The following MYOT variants were observed in gnomAD, a reference collection of about 807,000 sequenced individuals.
The protein encoded by MYOT is 57 kDa cytoskeletal protein.
MYOT carries 36 observed loss-of-function variants against 58.0 expected under a neutral mutation model. That is an observed-to-expected ratio of 0.62 (90% confidence interval 0.48 to 0.82). The LOEUF (loss-of-function observed/expected upper bound fraction) is 0.82, where lower values mean the gene tolerates loss of function less well. MYOT is among the 40% of genes least tolerant of loss of function. The probability of loss-of-function intolerance (pLI) is 0.00; values close to 1 mark genes in which losing one functional copy is unlikely to be tolerated. For synonymous variants in MYOT, 218 were observed against 204.6 expected, an observed-to-expected ratio of 1.07 and a Z score of -0.56; for missense variants, 505 against 592.1, an observed-to-expected ratio of 0.85 and a Z score of 1.53.
chr5:137,868,171 A>G (rs574091317), intron 1 of MYOT, among the ~76,000 whole-genome samples: 1 of 152,344 alleles, frequency 6.6e-6, no homozygotes, highest in Admixed American at 6.5e-5. Context: ...GCTGTGTGTC[A>G]TTATTTTTAA....
Position 137,886,943 on chromosome 5 carries a change from T to C in MYOT, c.1270T>C (p.Ser424Pro). The C allele has an allele frequency of 1.2e-6, 2 of 1,612,088 alleles. No homozygotes were observed. Among genetic ancestry groups the C allele is most frequent in the Non-Finnish European group, 1.7e-6 (2 of 1,178,130 alleles). Reference sequence around the variant, plus strand: ...GAAAGATGCTGGGTGGTATACTGTGTCAGCAGTTAATGAAGCTGGAGTGAC... The same window carrying C: ...GAAAGATGCTGGGTGGTATACTGTGCCAGCAGTTAATGAAGCTGGAGTGAC... ...NKKDAGWYTV[S>P]AVNEAGVTTC... Residue 424 changes from serine (S) to proline (P), a missense_variant, in exon 9 of 10, where the codon TCA becomes CCA. By Grantham distance (74) the Ser-to-Pro change is moderately conservative. Transcript: ENST00000239926.
chr5:137,881,950 T>C, intron 5 of MYOT, 23 bp from the exon 6 acceptor site: 2 of 1,611,722 alleles, frequency 1.2e-6, no homozygotes, highest in South Asian at 1.1e-5. Context: ...TTACGCATAG[T>C]TGTTACCAAA....
rs1216935569 is a variant in MYOT at position 137,887,781 on chromosome 5, A to C, written c.*396A>C. On this transcript the variant is annotated 3_prime_UTR_variant, in exon 10 of 10. Transcript: ENST00000239926. The stretch of plus-strand genomic sequence containing the variant: ...CGTTTTCTCTTGTAGGAATACTAAC[A>C]TGGTATAGATTATCTGAGTGTTCCA... The C allele has an allele frequency of 6.3e-6, 1 of 158,688 alleles. No individual in the cohort carries two copies. Among genetic ancestry groups the C allele is most frequent in the Non-Finnish European group, 1.4e-5 (1 of 73,242 alleles). 9.8% of individuals were successfully genotyped at this position (158,688 alleles called of 1,614,324 possible). A position where few individuals can be genotyped will look rare whatever the true frequency, so the allele number is the denominator to read the frequency against.
At position 137,887,233 on chromosome 5, in the gene MYOT, C is replaced by G. The variant is rs766650528; in HGVS notation, c.1345C>G (p.Pro449Ala). ...TTCAGCACGTCCAAACCAAACTCTT[C>G]CAGCTCCTAAGCAGTTACGGGTTCG... Reference protein sequence around the residue: ...DVTARPNQTLPAPKQLRVRPT... With the variant: ...DVTARPNQTLAAPKQLRVRPT... The change falls in exon 10 of 10, where the codon CCA (proline) becomes GCA (alanine). Residue 449 changes from proline (P) to alanine (A), a missense_variant. Transcript: ENST00000239926. 160 of 1,613,884 alleles carry G rather than the reference C, an allele frequency of 9.9e-5. No individual in the cohort carries two copies. Among genetic ancestry groups the G allele is most frequent in the Admixed American group, 2.3e-4 (14 of 60,002 alleles).
chr5:137,870,457 G>A lies in MYOT; in HGVS notation c.-195G>A. On this transcript the variant is annotated 5_prime_UTR_variant, in exon 2 of 10. Coordinates refer to ENST00000239926, the MANE Select transcript of MYOT (RefSeq NM_006790.3). ...CTTTTGAAGGAACAATATTCTTCAAGAGAAGGTCACTCTACCAAAGCCAGG... is the reference window on the plus strand; with the variant it reads ...CTTTTGAAGGAACAATATTCTTCAAAAGAAGGTCACTCTACCAAAGCCAGG... 2 of 630,150 alleles carry A rather than the reference G, an allele frequency of 3.2e-6. No homozygotes were observed. Among genetic ancestry groups the A allele is most frequent in the Non-Finnish European group, 5.6e-6 (2 of 354,364 alleles). 39.0% of individuals were successfully genotyped at this position (630,150 alleles called of 1,614,324 possible).
At chr5:137,886,790 T>C in intron 8 of MYOT, 74 bp from the exon 9 acceptor site, 1 of 1,084,328 alleles carries the variant, frequency 9.2e-7, no homozygotes, top group South Asian at 1.3e-5. Context: ...CTTCCTAGTC[T>C]GACTGTTGGT....
At chr5:137,874,349 C>A (rs1755142599) in intron 2 of MYOT, among the ~76,000 whole-genome samples, 1 of 152,108 alleles carries the variant, frequency 6.6e-6, no homozygotes, top group South Asian at 2.1e-4. Flanking sequence ...TGCCTGTAAT[C>A]CCAGCTACTT....
At chr5:137,874,159 T>C (rs1470476595) in intron 2 of MYOT, among the ~76,000 whole-genome samples, 2 of 152,166 alleles carry the variant, frequency 1.3e-5, no homozygotes, top group East Asian at 3.8e-4. Flanking sequence ...TCACATTAAA[T>C]AGATTAATAA....
At chr5:137,882,423 G>A (rs1227976515) in intron 6 of MYOT, among the ~76,000 whole-genome samples, 1 of 150,992 alleles carries the variant, frequency 6.6e-6, no homozygotes, top group Non-Finnish European at 1.5e-5. Context: ...GAAGCTATCA[G>A]AACAATATAA....
intron 4 of MYOT, 109 bp downstream of exon 4, chr5:137,877,730 TCCA>T (rs903796665): frequency 3.8e-6 from 3 of 779,918 alleles, no homozygotes; most frequent in African/African-American, 3.4e-5. Context: ...GTCAGTTCCA[TCCA>T]CCACTGGATA....
chr5:137,883,712 T>C (rs892431995), intron 7 of MYOT, 121 bp downstream of exon 7: 2 of 847,872 alleles, frequency 2.4e-6, no homozygotes, highest in African/African-American at 1.7e-5. Flanking sequence ...ATACAACCTA[T>C]TGGAATGTCC....
intron 8 of MYOT, chr5:137,886,582 C>T (rs778596712): frequency 1.3e-5 from 5 of 380,862 alleles, no homozygotes; most frequent in South Asian, 3.2e-5. Flanking sequence ...GATAACGGAA[C>T]AGGTCAGGAC....
chr5:137,878,260 C>T (rs1040787047), intron 4 of MYOT, among the ~76,000 whole-genome samples: 19 of 149,522 alleles, frequency 1.3e-4, no homozygotes, highest in African/African-American at 4.7e-4. Flanking sequence ...GTCACCCAGG[C>T]AGGCTGGAGT....
At chr5:137,881,755 G>A (rs1449657681) in intron 5 of MYOT, among the ~76,000 whole-genome samples, 1 of 151,930 alleles carries the variant, frequency 6.6e-6, no homozygotes, top group Non-Finnish European at 1.5e-5. Context: ...GGAGTGCAGC[G>A]ACGCGATCTC....
chr5:137,870,949 A>C lies in MYOT; in HGVS notation c.298A>C (p.Ile100Leu). Residue 100 changes from isoleucine (I) to leucine (L), a missense_variant, in exon 2 of 10, where the codon ATA becomes CTA. Coordinates refer to ENST00000239926, the MANE Select transcript of MYOT (RefSeq NM_006790.3). ...NQSPASFLSS[I>L]LPSQPDYNSS... ...GTCCCCAGCCAGCTTCCTCAGCTCC[A>C]TATTACCATCACAGCCTGATTACAA... 6.2e-7 allele frequency: 1 copy of C among 1,614,200 alleles called. No individual in the cohort carries two copies. Among genetic ancestry groups the C allele is most frequent in the Non-Finnish European group, 8.5e-7 (1 of 1,180,042 alleles).
At chr5:137,875,802 A>G in intron 2 of MYOT, 27 bp from the exon 3 acceptor site, 6 of 1,613,068 alleles carry the variant, frequency 3.7e-6, no homozygotes, top group Non-Finnish European at 5.1e-6. Context: ...CTTCTTTTTA[A>G]AAATCTTTTC....
chr5:137,883,769 C>T (rs1405627727), intron 7 of MYOT, 178 bp downstream of exon 7: 2 of 603,308 alleles, frequency 3.3e-6, no homozygotes, highest in Admixed American at 2.9e-5. Context: ...TATACACACA[C>T]ATACATACAT....
At chr5:137,877,350 G>C (rs1322194113) in intron 3 of MYOT, among the ~76,000 whole-genome samples, 170 bp from the exon 4 acceptor site, 1 of 141,778 alleles carries the variant, frequency 7.1e-6, no homozygotes, top group Non-Finnish European at 1.5e-5. Flanking sequence ...CCTGGGCGAC[G>C]GAGTAAGACT....
At chr5:137,871,145 T>C in intron 2 of MYOT, 138 bp downstream of exon 2, 1 of 764,516 alleles carries the variant, frequency 1.3e-6, no homozygotes, top group Middle Eastern at 3.5e-4. Flanking sequence ...TCTCATTCCA[T>C]AGTTCTACTA....
Sources: allele counts gnomAD v4.1 joint callset (sites outside exome capture counted in the v4.1 genomes callset), GRCh38; gene constraint gnomAD v4.1.1; transcripts MANE v1.5; gene names NCBI Gene and HGNC (gene_info 2026-07-23, HGNC 2026-07-21).